The following DYNC2H1 variants were observed in gnomAD, a reference collection of about 807,000 sequenced individuals.
The protein encoded by DYNC2H1 is cytoplasmic dynein 2 heavy chain 1.
A neutral mutation model predicts 570.0 loss-of-function variants in DYNC2H1; 410 were observed. The ratio of observed to expected loss-of-function variants is 0.72; its 90% confidence interval spans 0.66 to 0.78. The LOEUF (loss-of-function observed/expected upper bound fraction) is 0.78. Among genes scored for constraint, DYNC2H1 ranks in the 30% least tolerant of loss-of-function variants. The pLI is 0.00. For synonymous variants in DYNC2H1, 1,688 were observed against 1,677.6 expected (o/e 1.01, Z -0.15); for missense variants, 4,865 against 5,046.4 (o/e 0.96, Z 1.09).
chr11:103,370,256 AGAAGGACT>A (rs537890158), intron 83 of DYNC2H1, among the ~76,000 whole-genome samples: 325 of 152,350 alleles, frequency 2.1e-3, no homozygotes, highest in South Asian at 4.8e-3. Flanking sequence ...GGAAGAAAGG[AGAAGGACT>A]GAATTTTGTG....
chr11:103,442,617 A>G (rs546726593), intron 85 of DYNC2H1, among the ~76,000 whole-genome samples: 1 of 152,212 alleles, frequency 6.6e-6, no homozygotes, highest in African/African-American at 2.4e-5. Context: ...ATCTTACAAA[A>G]CATGCTATTT....
intron 19 of DYNC2H1, among the ~76,000 whole-genome samples, 187 bp from the exon 20 acceptor site, chr11:103,148,303 C>G (rs186315452): frequency 6.6e-6 from 1 of 152,110 alleles, no homozygotes; most frequent in Non-Finnish European, 1.5e-5. Context: ...ACTAAACTTT[C>G]ATGGGAAGAA....
chr11:103,332,497 A>C, intron 82 of DYNC2H1, among the ~76,000 whole-genome samples: 1 of 149,330 alleles, frequency 6.7e-6, no homozygotes, highest in East Asian at 2.0e-4. Flanking sequence ...ATTAAAACTG[A>C]AAAAGACTGA....
intron 54 of DYNC2H1, among the ~76,000 whole-genome samples, chr11:103,213,054 T>C (rs1863218941): frequency 1.3e-5 from 2 of 152,100 alleles, no homozygotes; most frequent in Admixed American, 1.3e-4. Flanking sequence ...GACAAAAACA[T>C]GATAGAAGGT....
At chr11:103,383,879 T>C (rs1245097640) in intron 83 of DYNC2H1, among the ~76,000 whole-genome samples, 2 of 152,224 alleles carry the variant, frequency 1.3e-5, no homozygotes, top group Non-Finnish European at 2.9e-5. Flanking sequence ...TGTTCACTTT[T>C]AAATATTTTC....
intron 82 of DYNC2H1, among the ~76,000 whole-genome samples, chr11:103,338,928 T>C (rs1477855993): frequency 6.6e-6 from 1 of 152,194 alleles, no homozygotes; most frequent in Non-Finnish European, 1.5e-5. Context: ...ATTTCTGTCT[T>C]TGTGTTATGG....
intron 19 of DYNC2H1, 81 bp downstream of exon 19, chr11:103,147,968 T>C: frequency 9.5e-7 from 1 of 1,053,210 alleles, no homozygotes. Context: ...AATGTGAATT[T>C]CAATGATCAT....
intron 81 of DYNC2H1, among the ~76,000 whole-genome samples, chr11:103,322,345 G>T (rs1172938183): frequency 6.6e-6 from 1 of 152,060 alleles, no homozygotes; most frequent in Admixed American, 6.5e-5. Context: ...AATTCATACA[G>T]AAATGTATAC....
intron 87 of DYNC2H1, among the ~76,000 whole-genome samples, chr11:103,463,968 T>C (rs1419307132): frequency 6.6e-6 from 1 of 152,072 alleles, no homozygotes; most frequent in Non-Finnish European, 1.5e-5. Flanking sequence ...TATGTAGATA[T>C]GGAAGGGACA....
intron 17 of DYNC2H1, among the ~76,000 whole-genome samples, chr11:103,138,839 G>A (rs1217432097): frequency 2.6e-5 from 4 of 151,894 alleles, no homozygotes; most frequent in Admixed American, 2.6e-4. Flanking sequence ...ACTCCATCTG[G>A]TCCTGGACTC....
rs745976119 is a variant in DYNC2H1, at chr11:103,283,132, G to T, written c.10890+47G>T. 2 of 1,469,916 alleles carry T rather than the reference G, an allele frequency of 1.4e-6. 1 individual carries two copies. The highest frequency in any genetic ancestry group is 2.5e-5 in the South Asian group (2 of 80,774). The allele number at this position is 1,469,916 out of a possible 1,614,324, so 91.1% of individuals were successfully genotyped here. On this transcript the variant is annotated intron_variant, in intron 73 of 88. Transcript: ENST00000375735. ...ACATGTTTTAATTTCTTCTGTATTT[G>T]CATTGTTTCTGTTGATACTTTGTGC...
chr11:103,441,076 T>C (rs1944252438), intron 85 of DYNC2H1, among the ~76,000 whole-genome samples: 1 of 152,122 alleles, frequency 6.6e-6, no homozygotes, highest in Non-Finnish European at 1.5e-5. Flanking sequence ...TCCTTACACA[T>C]CCTACAAGTT....
At chr11:103,168,686 G>A (rs558469283) in intron 31 of DYNC2H1, 69 bp from the exon 32 acceptor site, 121 of 1,476,098 alleles carry the variant, frequency 8.2e-5, no homozygotes, top group African/African-American at 7.4e-4. Flanking sequence ...ACCTGTACAC[G>A]TAATCATAAA....
At position 103,161,002 on chromosome 11, in the gene DYNC2H1, T is replaced by G; in HGVS notation, c.4449T>G (p.Val1483=). The G allele has an allele frequency of 6.4e-7, 1 of 1,553,614 alleles. No homozygotes were observed. The highest frequency in any genetic ancestry group is 2.0e-5 in the Admixed American group (1 of 48,838). The part of the protein sequence containing the change: ...ITAMKSLEGE[V]VPFKNKVPLS... ...CAATGAAATCTTTAGAGGGAGAAGT[T>G]GTACCTTTTAAAAATAAAGTTCCTC... The change falls in exon 29 of 89, where the codon GTT becomes GTG. Residue 1483 remains valine (V), a synonymous_variant. Coordinates refer to ENST00000375735, the MANE Select transcript of DYNC2H1 (RefSeq NM_001377.3).
In DYNC2H1 at chr11:103,456,347, A is replaced by G. The variant is rs756987000; in HGVS notation, c.12639A>G (p.Leu4213=). Residue 4213 remains leucine (L), a synonymous_variant, in exon 87 of 89, where the codon CTA becomes CTG. Coordinates refer to ENST00000375735, the MANE Select transcript of DYNC2H1 (RefSeq NM_001377.3). ...AAGGTCGACTGCAAGAAGCAAAGCTACAAATTAAGGTACTAGACTAATTTT... is the reference window on the plus strand; with the variant it reads ...AAGGTCGACTGCAAGAAGCAAAGCTGCAAATTAAGGTACTAGACTAATTTT... ...SWKGRLQEAK[L]QIKISGLLLE... is the part of the protein sequence containing the mutation. 6.3e-7 allele frequency: 1 copy of G among 1,598,026 alleles called. No individual in the cohort carries two copies. Among genetic ancestry groups the G allele is most frequent in the East Asian group, 2.2e-5 (1 of 44,496 alleles).
chr11:103,182,026 CTG>C, intron 40 of DYNC2H1, 140 bp downstream of exon 40: 1 of 798,194 alleles, frequency 1.3e-6, no homozygotes, highest in Middle Eastern at 2.9e-4. Context: ...TGCTACTCCT[CTG>C]TATCTCTTAG....
rs1255111789 is a variant in DYNC2H1 at position 103,254,923 on chromosome 11, C to T, written c.10207-492C>T. Among the ~76,000 whole-genome samples, 1 of 151,788 alleles carries T rather than the reference C, an allele frequency of 6.6e-6. No individual in the cohort carries two copies. Among genetic ancestry groups the T allele is most frequent in the Non-Finnish European group, 1.5e-5 (1 of 67,940 alleles). On this transcript the variant is annotated intron_variant, in intron 66 of 88. Transcript: ENST00000375735. This position sits in a 1 kb window ranked among gnomAD's most constrained non-coding sequence, Gnocchi z 4.9. ...AGTAGCTGGGATTACAGGCGCCCAC[C>T]ACCACGCCTGGCTAATTTTTTGTAT... is the stretch of plus-strand genomic sequence containing the variant.
chr11:103,234,400 C>G (rs1024560374), intron 61 of DYNC2H1, among the ~76,000 whole-genome samples: 1 of 151,878 alleles, frequency 6.6e-6, no homozygotes, highest in Non-Finnish European at 1.5e-5. Flanking sequence ...GAGAGATGAG[C>G]AGGATGAAAA....
At chr11:103,233,752 G>A (rs989607231) in intron 60 of DYNC2H1, among the ~76,000 whole-genome samples, 7 of 151,450 alleles carry the variant, frequency 4.6e-5, no homozygotes, top group Admixed American at 1.3e-4. Context: ...CTTGAATGCC[G>A]TATTGGCAAA....
Sources: allele counts gnomAD v4.1 joint callset (sites outside exome capture counted in the v4.1 genomes callset), GRCh38; gene constraint gnomAD v4.1.1; non-coding constraint Gnocchi (gnomAD v3.1); transcripts MANE v1.5; gene names NCBI Gene and HGNC (gene_info 2026-07-23, HGNC 2026-07-21).